The following ZNRF3 variants were observed in gnomAD, a reference collection of about 807,000 sequenced individuals.
The protein encoded by ZNRF3 is E3 ubiquitin-protein ligase ZNRF3.
Under a neutral mutation model 72.5 loss-of-function variants are expected in ZNRF3, and 23 were observed. The observed-to-expected ratio is 0.32, with a 90% CI of 0.23 to 0.45. The LOEUF (loss-of-function observed/expected upper bound fraction) is 0.45, where lower values mean the gene tolerates loss of function less well. Among genes scored for constraint, ZNRF3 ranks in the 20% least tolerant of loss-of-function variants. The pLI is 1.00. For missense variants in ZNRF3, 1,169 were observed against 1,272.1 expected (o/e 0.92, Z 1.23); for synonymous variants, 610 against 545.3 (o/e 1.12, Z -1.65).
intron 1 of ZNRF3, among the ~76,000 whole-genome samples, chr22:28,959,688 C>T (rs1262736465): frequency 6.6e-6 from 1 of 152,160 alleles, no homozygotes; most frequent in Non-Finnish European, 1.5e-5. Flanking sequence ...CCCTAACTCC[C>T]ACGGTGGTGG....
In ZNRF3 at chr22:28,994,279, C is replaced by T. The variant is rs182240615; in HGVS notation, c.426+7078C>T. Among the ~76,000 whole-genome samples the T allele has an allele frequency of 1.8e-3, 262 of 146,448 alleles. 1 individual carries two copies. Among genetic ancestry groups the T allele is most frequent in the African/African-American group, 6.2e-3 (249 of 40,038 alleles). ...TTGGCTCACTGCAACCTCCGCCTCCCGGGTTCAAGTGATTGTCCTGCCTCA... is the reference window on the plus strand; with the variant it reads ...TTGGCTCACTGCAACCTCCGCCTCCTGGGTTCAAGTGATTGTCCTGCCTCA... On this transcript the variant is annotated intron_variant, in intron 2 of 8. Transcript: ENST00000544604.
chr22:28,925,754 A>T (rs1470602336), intron 1 of ZNRF3, among the ~76,000 whole-genome samples: 1 of 152,162 alleles, frequency 6.6e-6, no homozygotes, highest in African/African-American at 2.4e-5. Context: ...AGCAATCATG[A>T]ATCACTACAG....
intron 2 of ZNRF3, among the ~76,000 whole-genome samples, chr22:29,000,498 A>G (rs1034090773): frequency 1.3e-5 from 2 of 152,046 alleles, no homozygotes; most frequent in East Asian, 3.8e-4. Context: ...GTGTTTTCTA[A>G]TTTTTTAAGT....
intron 2 of ZNRF3, among the ~76,000 whole-genome samples, chr22:29,032,333 G>A (rs1410834364): frequency 6.6e-6 from 1 of 152,186 alleles, no homozygotes; most frequent in Non-Finnish European, 1.5e-5. Flanking sequence ...AAGTGGTTGG[G>A]CTTGTTTTCA....
At chr22:28,917,495 G>A (rs1218188550) in intron 1 of ZNRF3, 4 of 970,868 alleles carry the variant, frequency 4.1e-6, no homozygotes, top group East Asian at 2.3e-4. Flanking sequence ...ACTGAAGAAT[G>A]TTAAATCTAA....
At chr22:28,975,730 C>A (rs1274791118) in intron 1 of ZNRF3, among the ~76,000 whole-genome samples, 1 of 151,896 alleles carries the variant, frequency 6.6e-6, no homozygotes, top group Non-Finnish European at 1.5e-5. Flanking sequence ...GTGCAAGACT[C>A]TGTCTCAAGA....
intron 8 of ZNRF3, among the ~76,000 whole-genome samples, chr22:29,052,113 C>T (rs1222603346): frequency 6.6e-6 from 1 of 152,220 alleles, no homozygotes; most frequent in African/African-American, 2.4e-5. Flanking sequence ...GATTTCCAAA[C>T]ATGCTGTCTC....
At chr22:28,962,192 G>A (rs192993617) in intron 1 of ZNRF3, among the ~76,000 whole-genome samples, 1 of 152,180 alleles carries the variant, frequency 6.6e-6, no homozygotes, top group East Asian at 1.9e-4. Context: ...GCAACATGTG[G>A]CTTGTAGCTC....
chr22:28,919,789 G>A (rs925134177), intron 1 of ZNRF3, among the ~76,000 whole-genome samples: 1 of 151,718 alleles, frequency 6.6e-6, no homozygotes, highest in Non-Finnish European at 1.5e-5. Flanking sequence ...TTACAGGCAT[G>A]AGCCACCACA....
intron 1 of ZNRF3, among the ~76,000 whole-genome samples, chr22:28,916,696 T>C (rs2034412743): frequency 1.3e-5 from 2 of 152,204 alleles, no homozygotes; most frequent in Non-Finnish European, 2.9e-5. Context: ...TTTGGTAGAA[T>C]TGGCAGCTTG....
chr22:28,965,863 T>C (rs2035449910), intron 1 of ZNRF3, among the ~76,000 whole-genome samples: 1 of 152,248 alleles, frequency 6.6e-6, no homozygotes, highest in African/African-American at 2.4e-5. Flanking sequence ...ATAAGCTAGA[T>C]GTGACAGTGG....
At chr22:28,887,220 A>AAGAGAG (rs67943780) in intron 1 of ZNRF3, among the ~76,000 whole-genome samples, 3 of 148,074 alleles carry the variant, frequency 2.0e-5, no homozygotes, top group African/African-American at 5.0e-5. Context: ...TATGCCAACG[A>AAGAGAG]AGAGAGAGAG....
At chr22:29,037,579 C>A (rs1338424880) in intron 2 of ZNRF3, among the ~76,000 whole-genome samples, 1 of 152,122 alleles carries the variant, frequency 6.6e-6, no homozygotes. Flanking sequence ...ACAATAGGGC[C>A]CTGTCTTCTA....
At chr22:28,946,901 C>T (rs781566745) in intron 1 of ZNRF3, among the ~76,000 whole-genome samples, 34 of 152,146 alleles carry the variant, frequency 2.2e-4, no homozygotes, top group Non-Finnish European at 2.9e-4. Flanking sequence ...ACAGGCCTTA[C>T]GCTTCCTCAG....
At chr22:28,955,880 C>T (rs1010743501) in intron 1 of ZNRF3, among the ~76,000 whole-genome samples, 1 of 152,152 alleles carries the variant, frequency 6.6e-6, no homozygotes, top group African/African-American at 2.4e-5. Flanking sequence ...GTTCACATCA[C>T]TGTACTCTGG....
In ZNRF3 at chr22:29,055,087, C is replaced by T. The variant is rs1281619812; in HGVS notation, c.*1465C>T. 1 of 152,604 alleles carries T rather than the reference C, an allele frequency of 6.6e-6. No individual in the cohort carries two copies. The highest frequency in any genetic ancestry group is 2.4e-5 in the African/African-American group (1 of 41,398). The allele number at this position is 152,604 out of a possible 1,614,324, so 9.5% of individuals were successfully genotyped here. On this transcript the variant is annotated 3_prime_UTR_variant, in exon 9 of 9. Transcript: ENST00000544604. Reference sequence around the variant, plus strand: ...AAGGGGAGAGTTTAAAAACCCAAACCGTTGTGGTTTTAAGGTGTTTCATTT... The same window carrying T: ...AAGGGGAGAGTTTAAAAACCCAAACTGTTGTGGTTTTAAGGTGTTTCATTT...
intron 1 of ZNRF3, among the ~76,000 whole-genome samples, chr22:28,895,012 C>T (rs1320763963): frequency 6.6e-6 from 1 of 152,190 alleles, no homozygotes; most frequent in Non-Finnish European, 1.5e-5. Flanking sequence ...CAGCTTACTT[C>T]CCTCACTGAC....
chr22:28,958,017 C>T (rs2035291579), intron 1 of ZNRF3, among the ~76,000 whole-genome samples: 1 of 151,952 alleles, frequency 6.6e-6, no homozygotes, highest in Non-Finnish European at 1.5e-5. Context: ...GAAACCCCGT[C>T]TCTACTAAAA....
chr22:29,047,125 A>T lies in ZNRF3; in HGVS notation c.912+242A>T, dbSNP rs16987082. Among the ~76,000 whole-genome samples the T allele has an allele frequency of 2.5e-3, 386 of 152,214 alleles. 2 individuals carry two copies. The East Asian group carries it at 0.042, about 16-fold the overall frequency. ...GCTCTTTGAAAATTTTAGGCCTAGT[A>T]CCATGCCTGTAGTCCTAGCTACTTG... On this transcript the variant is annotated intron_variant, in intron 6 of 8. Coordinates refer to ENST00000544604, the MANE Select transcript of ZNRF3 (RefSeq NM_001206998.2).
Sources: gnomAD v4.1 joint callset for allele counts (sites outside exome capture counted in the v4.1 genomes callset) on GRCh38, gnomAD v4.1.1 for gene constraint, MANE v1.5 for transcripts, NCBI Gene and HGNC (gene_info 2026-07-23, HGNC 2026-07-21) for gene names.